Variants in RDH8 observed in about 807,000 individuals in gnomAD.
The protein encoded by RDH8 is retinol dehydrogenase 8.
RDH8 carries 14 observed loss-of-function variants against 22.3 expected under a neutral mutation model. That is an observed-to-expected ratio of 0.63 (90% CI 0.42 to 0.98). The LOEUF (loss-of-function observed/expected upper bound fraction) is 0.98, where lower values mean the gene tolerates loss of function less well. Ranked by LOEUF, RDH8 falls within the 50% of genes least tolerant of loss-of-function variation. The probability of loss-of-function intolerance (pLI) is 0.00; values close to 1 mark genes in which losing one functional copy is unlikely to be tolerated. For synonymous variants in RDH8, 175 were observed against 171.7 expected (o/e 1.02, Z -0.15); for missense variants, 389 against 409.8 (o/e 0.95, Z 0.44).
intron 2 of RDH8, among the ~76,000 whole-genome samples, chr19:10,018,072 A>G (rs2087633294): frequency 6.6e-6 from 1 of 151,954 alleles, no homozygotes; most frequent in Non-Finnish European, 1.5e-5. Flanking sequence ...CAGCCTCCCA[A>G]GTAGCTGGGA....
Position 10,017,149 on chromosome 19 carries a change from G to T in RDH8, c.196G>T (p.Asp66Tyr). Residue 66 changes from aspartate (D) to tyrosine (Y), a missense_variant, in exon 2 of 6, where the codon GAC (aspartate) becomes TAC (tyrosine). Asp to Tyr is a radical substitution (Grantham distance 160, BLOSUM62 -3). Coordinates refer to ENST00000591589, the MANE Select transcript of RDH8 (RefSeq NM_015725.4). Reference protein sequence around the residue: ...LGQTLTVAQLDVCSDESVAQC... With the variant: ...LGQTLTVAQLYVCSDESVAQC... ...GCAGACCCTCACCGTGGCCCAGCTG[G>T]ACGTGTGCAGTGATGAGTCGGTGGC... 1 of 1,611,884 alleles carries T rather than the reference G, an allele frequency of 6.2e-7. No homozygotes were observed. The highest frequency in any genetic ancestry group is 8.5e-7 in the Non-Finnish European group (1 of 1,178,550).
rs116143377 is a variant in RDH8, at chr19:10,016,934, G to A, written c.104-123G>A. The A allele has an allele frequency of 2.4e-4, 241 of 1,016,688 alleles. 1 individual carries two copies. The African/African-American group carries it at 3.5e-3, about 15-fold the overall frequency. The allele number at this position is 1,016,688 out of a possible 1,614,324, so 63.0% of individuals were successfully genotyped here. On this transcript the variant is annotated intron_variant, in intron 1 of 5. Coordinates refer to ENST00000591589, the MANE Select transcript of RDH8 (RefSeq NM_015725.4). ...ACTTGTTGGCTGAGTGATAAATGTA[G>A]GTGTGTAAACTTGTGAGTTTCCATC...
intron 1 of RDH8, 74 bp downstream of exon 1, chr19:10,013,674 C>A: frequency 6.7e-7 from 1 of 1,502,584 alleles, no homozygotes; most frequent in South Asian, 1.1e-5. Flanking sequence ...CCCTACCCAT[C>A]CCTCCCAGCT....
chr19:10,020,746 C>T lies in RDH8; in HGVS notation c.480C>T (p.Phe160=), dbSNP rs142648928. 65 of 1,611,550 alleles carry T rather than the reference C, an allele frequency of 4.0e-5. No individual in the cohort carries two copies. The highest frequency in any genetic ancestry group is 3.1e-4 in the African/African-American group (23 of 75,002). Residue 160 remains phenylalanine, a synonymous_variant, in exon 4 of 6, where the codon TTC becomes TTT. Coordinates refer to ENST00000591589, the MANE Select transcript of RDH8 (RefSeq NM_015725.4). ...ACGATGTCTATGCAGCTTCCAAGTT[C>T]GCCCTGGAGGGATTCTTCGAAAGCC... ...IFNDVYAASK[F]ALEGFFESLA...
At position 10,022,043 on chromosome 19, in the gene RDH8, T is replaced by C; in HGVS notation, c.*294T>C. ...GGAGGCTTCCTGGAGGAAGCGGCAT[T>C]GTTATGAGCCTTGAAGGAAGAGACA... On this transcript the variant is annotated 3_prime_UTR_variant, in exon 6 of 6. Transcript: ENST00000591589. 4.8e-6 allele frequency: 2 copies of C among 418,760 alleles called. No homozygotes were observed. The highest frequency in any genetic ancestry group is 5.3e-5 in the South Asian group (2 of 38,082). 25.9% of individuals were successfully genotyped at this position (418,760 alleles called of 1,614,324 possible). A position where few individuals can be genotyped will look rare whatever the true frequency, so the allele number is the denominator to read the frequency against.
intron 3 of RDH8, among the ~76,000 whole-genome samples, chr19:10,020,360 GGA>G: frequency 6.8e-6 from 1 of 148,090 alleles, no homozygotes; most frequent in Admixed American, 6.8e-5. Flanking sequence ...GAGGGAGGGA[GGA>G]AGGAAGGAAG....
intron 4 of RDH8, 64 bp from the exon 5 acceptor site, chr19:10,021,191 T>A (rs1415915957): frequency 1.8e-5 from 26 of 1,462,616 alleles, no homozygotes; most frequent in Admixed American, 2.1e-5. Flanking sequence ...AAAAAAAAAA[T>A]GGACAAAATA....
rs1555744166 is a variant in RDH8 at position 10,015,965 on chromosome 19, A to AT, written c.104-1092_104-1091insT. Reference sequence around the variant, plus strand: ...GAGTGAAACTTCGTCTCAAAAAAAAAATATATATATATATATGGCTATTCA... The same window carrying AT: ...GAGTGAAACTTCGTCTCAAAAAAAAATATATATATATATATATGGCTATTCA... On this transcript the variant is annotated intron_variant, in intron 1 of 5. Coordinates refer to ENST00000591589, the MANE Select transcript of RDH8 (RefSeq NM_015725.4). Among the ~76,000 whole-genome samples, 842 of 149,708 alleles carry AT rather than the reference A, an allele frequency of 5.6e-3. 10 individuals are homozygous for AT. The highest frequency in any genetic ancestry group is 0.018 in the African/African-American group (733 of 40,116).
In RDH8 at chr19:10,021,765, A is replaced by C; in HGVS notation, c.*16A>C. Reference sequence around the variant, plus strand: ...GCCAAGATGAGCAGAACAGAGCTTCACGATCCCCATCCCTGAACAACCAGA... The same window carrying C: ...GCCAAGATGAGCAGAACAGAGCTTCCCGATCCCCATCCCTGAACAACCAGA... On this transcript the variant is annotated 3_prime_UTR_variant, in exon 6 of 6. Coordinates refer to ENST00000591589, the MANE Select transcript of RDH8 (RefSeq NM_015725.4). 2 of 1,610,152 alleles carry C rather than the reference A, an allele frequency of 1.2e-6. No homozygotes were observed. Among genetic ancestry groups the C allele is most frequent in the African/African-American group, 2.7e-5 (2 of 74,994 alleles).
At chr19:10,015,194 G>A (rs1425150011) in intron 1 of RDH8, among the ~76,000 whole-genome samples, 1 of 152,148 alleles carries the variant, frequency 6.6e-6, no homozygotes, top group Non-Finnish European at 1.5e-5. Context: ...GCTCATGCCT[G>A]TAATCTCAGC....
At chr19:10,020,258 C>T (rs1327658625) in intron 3 of RDH8, among the ~76,000 whole-genome samples, 1 of 150,782 alleles carries the variant, frequency 6.6e-6, no homozygotes, top group Non-Finnish European at 1.5e-5. Context: ...GCCATGATTG[C>T]ACCACTGCAC....
At chr19:10,019,676 C>T (rs1229292902) in intron 3 of RDH8, among the ~76,000 whole-genome samples, 2 of 152,078 alleles carry the variant, frequency 1.3e-5, no homozygotes, top group African/African-American at 2.4e-5. Context: ...TGGCACACAC[C>T]TGTAGTCCCA....
chr19:10,022,034 A>G lies in RDH8; in HGVS notation c.*285A>G. On this transcript the variant is annotated 3_prime_UTR_variant, in exon 6 of 6. Coordinates refer to ENST00000591589, the MANE Select transcript of RDH8 (RefSeq NM_015725.4). ...GAAAGCAAGGGAGGCTTCCTGGAGG[A>G]AGCGGCATTGTTATGAGCCTTGAAG... 2.2e-6 allele frequency: 1 copy of G among 454,006 alleles called. No individual in the cohort carries two copies. The highest frequency in any genetic ancestry group is 4.0e-6 in the Non-Finnish European group (1 of 250,318). The allele number at this position is 454,006 out of a possible 1,614,324, so 28.1% of individuals were successfully genotyped here.
rs760916151 is a variant in RDH8, at chr19:10,018,843, G to A, written c.375G>A (p.Val125=). Reference sequence around the variant, plus strand: ...GAGCTGTCCGTCTCGTCAAAGCTGTGCTTCCAGGCATGAAGAGGAGGCGGC... The same window carrying A: ...GAGCTGTCCGTCTCGTCAAAGCTGTACTTCCAGGCATGAAGAGGAGGCGGC... ...FFGAVRLVKA[V]LPGMKRRRQG... is the part of the protein sequence containing the mutation. The change falls in exon 3 of 6, where the codon GTG becomes GTA. Residue 125 remains valine (V), a synonymous_variant. Coordinates refer to ENST00000591589, the MANE Select transcript of RDH8 (RefSeq NM_015725.4). The A allele has an allele frequency of 2.5e-6, 4 of 1,613,790 alleles. No individual in the cohort carries two copies. The East Asian group carries it at 6.7e-5, about 27-fold the overall frequency.
Position 10,015,845 on chromosome 19 carries a change from G to A in RDH8, c.104-1212G>A, listed in dbSNP as rs564585588. Among the ~76,000 whole-genome samples the A allele has an allele frequency of 1.5e-4, 23 of 151,864 alleles. No homozygotes were observed. The East Asian group carries it at 3.5e-3, about 23-fold the overall frequency. On this transcript the variant is annotated intron_variant, in intron 1 of 5. Coordinates refer to ENST00000591589, the MANE Select transcript of RDH8 (RefSeq NM_015725.4). ...TGTACCCCTGTAATCCCAGCTACTC[G>A]GGAGGCTGAGGCAGGGGAATTGCTT...
Position 10,018,760 on chromosome 19 carries a change from C to A in RDH8, c.292C>A (p.Pro98Thr), listed in dbSNP as rs772838559. The A allele has an allele frequency of 2.5e-6, 4 of 1,611,884 alleles. No homozygotes were observed. The highest frequency in any genetic ancestry group is 1.1e-5 in the South Asian group (1 of 90,778). ...TAATGCTGGAATGGGCCTGGTGGGG[C>A]CCCTGGAGGGGCTCAGCCTTGCTGC... The part of the protein sequence containing the change: ...VNNAGMGLVG[P>T]LEGLSLAAMQ... Residue 98 changes from proline (P) to threonine (T), a missense_variant, in exon 3 of 6, where the codon CCC (proline) becomes ACC (threonine). Coordinates refer to ENST00000591589, the MANE Select transcript of RDH8 (RefSeq NM_015725.4).
Position 10,018,711 on chromosome 19 carries a change from C to G in RDH8, c.263-20C>G. Reference sequence around the variant, plus strand: ...AAGAGTGAGGGACTTTAAGGTAACCCTTAGTACCTCTTCTCTTAGTGAATA... The same window carrying G: ...AAGAGTGAGGGACTTTAAGGTAACCGTTAGTACCTCTTCTCTTAGTGAATA... On this transcript the variant is annotated intron_variant, in intron 2 of 5. Transcript: ENST00000591589. 3.8e-6 allele frequency: 6 copies of G among 1,579,450 alleles called. No homozygotes were observed. The highest frequency in any genetic ancestry group is 5.2e-6 in the Non-Finnish European group (6 of 1,158,306).
At chr19:10,017,859 T>C (rs2145166695) in intron 2 of RDH8, among the ~76,000 whole-genome samples, 1 of 152,180 alleles carries the variant, frequency 6.6e-6, no homozygotes, top group South Asian at 2.1e-4. Flanking sequence ...TTGGTCAGGC[T>C]GGTCTCAAAC....
intron 1 of RDH8, among the ~76,000 whole-genome samples, chr19:10,013,843 G>A (rs1016907428): frequency 4.6e-5 from 7 of 152,278 alleles, no homozygotes; most frequent in Non-Finnish European, 1.0e-4. Flanking sequence ...GTCATGTGGG[G>A]AGGAGAGGGA....
Sources: allele counts gnomAD v4.1 joint callset (sites outside exome capture counted in the v4.1 genomes callset), GRCh38; gene constraint gnomAD v4.1.1; transcripts MANE v1.5; gene names NCBI Gene and HGNC (gene_info 2026-07-23, HGNC 2026-07-21).